The following PDE4D variants were observed in gnomAD, a reference collection of about 807,000 sequenced individuals.
The protein encoded by PDE4D is 3',5'-cyclic-AMP phosphodiesterase 4D.
PDE4D carries 24 observed loss-of-function variants against 87.4 expected under a neutral mutation model. The ratio of observed to expected loss-of-function variants is 0.27; its 90% CI spans 0.20 to 0.39. PDE4D has a LOEUF of 0.39. PDE4D is among the 10% of genes least tolerant of loss of function. PDE4D has a pLI of 1.00. For synonymous variants in PDE4D, 384 were observed against 383.2 expected (o/e 1.00, Z -0.02); for missense variants, 714 against 1,041.0 (o/e 0.69, Z 4.32).
intron 5 of PDE4D, among the ~76,000 whole-genome samples, chr5:59,048,449 CT>C (rs1224977478): frequency 2.0e-5 from 3 of 152,282 alleles, no homozygotes; most frequent in Admixed American, 2.0e-4. Flanking sequence ...TCTTTAGCAC[CT>C]ACCCAGCTCT....
chr5:59,834,470 C>T (rs540315941), intron 1 of PDE4D, among the ~76,000 whole-genome samples: 13 of 151,928 alleles, frequency 8.6e-5, no homozygotes, highest in Admixed American at 2.6e-4. Flanking sequence ...TACAGGGAAC[C>T]ATTTAAAATG....
chr5:60,243,041 G>T (rs998189528), intron 1 of PDE4D, among the ~76,000 whole-genome samples: 3 of 151,722 alleles, frequency 2.0e-5, no homozygotes, highest in Non-Finnish European at 4.4e-5. Flanking sequence ...CCATTAAAAA[G>T]TTTGCTTCTT....
chr5:60,414,525 A>T (rs1295992321), intron 1 of PDE4D, among the ~76,000 whole-genome samples: 2 of 152,246 alleles, frequency 1.3e-5, no homozygotes, highest in Non-Finnish European at 2.9e-5. Context: ...TCTCCCTGGC[A>T]TCATTCCAAG....
At chr5:59,044,402 C>T (rs1760264249) in intron 5 of PDE4D, among the ~76,000 whole-genome samples, 1 of 152,204 alleles carries the variant, frequency 6.6e-6, no homozygotes. Flanking sequence ...CCAGTTCCAG[C>T]TTCTCTTCTC....
At chr5:59,990,686 C>T (rs1036204956) in intron 2 of PDE4D, among the ~76,000 whole-genome samples, 6 of 152,158 alleles carry the variant, frequency 3.9e-5, no homozygotes, top group East Asian at 3.9e-4. Flanking sequence ...TAAGTAGTGC[C>T]GTGTTTTACA....
At chr5:60,370,845 A>G (rs566898809) in intron 1 of PDE4D, among the ~76,000 whole-genome samples, 1 of 152,044 alleles carries the variant, frequency 6.6e-6, no homozygotes, top group South Asian at 2.1e-4. Context: ...GAGAGAGGGA[A>G]GGAGAGAGAA....
At chr5:59,776,149 C>G in intron 1 of PDE4D, among the ~76,000 whole-genome samples, 1 of 152,072 alleles carries the variant, frequency 6.6e-6, no homozygotes, top group South Asian at 2.1e-4. Flanking sequence ...CTTCTGAAAC[C>G]TAGATTTTTA....
intron 1 of PDE4D, among the ~76,000 whole-genome samples, chr5:60,405,506 A>G (rs10514896): frequency 0.17 from 26,012 of 152,224 alleles, 2,694 homozygotes; most frequent in East Asian, 0.4. Context: ...TCTTCAAACC[A>G]TTCCACATAG....
intron 5 of PDE4D, among the ~76,000 whole-genome samples, chr5:59,095,267 T>C (rs181415125): frequency 6.6e-6 from 1 of 151,368 alleles, no homozygotes; most frequent in Admixed American, 6.6e-5. Flanking sequence ...TAAATTACAA[T>C]GGAAAATATT....
chr5:59,591,227 T>C (rs1561280388), intron 1 of PDE4D, among the ~76,000 whole-genome samples: 1 of 152,322 alleles, frequency 6.6e-6, no homozygotes, highest in South Asian at 2.1e-4. Context: ...CAAATTCTTA[T>C]CTCTGTAATA....
At chr5:59,379,862 T>C (rs1785428461) in intron 1 of PDE4D, among the ~76,000 whole-genome samples, 1 of 152,144 alleles carries the variant, frequency 6.6e-6, no homozygotes, top group Admixed American at 6.5e-5. Context: ...ATTTAGGGGC[T>C]ACATGTACAG....
At chr5:59,485,409 A>G (rs908741200) in intron 1 of PDE4D, among the ~76,000 whole-genome samples, 9 of 152,128 alleles carry the variant, frequency 5.9e-5, no homozygotes, top group African/African-American at 2.2e-4. Context: ...AGTTTTTAAA[A>G]AAAGATATAC....
At chr5:59,111,885 G>T (rs997485389) in intron 5 of PDE4D, among the ~76,000 whole-genome samples, 1 of 152,194 alleles carries the variant, frequency 6.6e-6, no homozygotes, top group Non-Finnish European at 1.5e-5. Context: ...AGGCACTGTT[G>T]TGTATATATA....
At position 60,374,593 on chromosome 5, in the gene PDE4D, G is replaced by T. The variant is rs111431161; in HGVS notation, c.-90+113349C>A. On this transcript the variant is annotated intron_variant, in intron 1 of 16. Transcript: ENST00000502484. ...TGCTTTCATAAATTGCTCCAGGGAA[G>T]GTCATCTCACTTATCCACAACACCA... 3.3e-5 allele frequency among the ~76,000 whole-genome samples: 5 copies of T among 152,192 alleles called. 1 individual carries two copies. The highest frequency in any genetic ancestry group is 1.2e-4 in the African/African-American group (5 of 41,508).
chr5:59,333,887 A>C (rs1440994805), intron 1 of PDE4D, among the ~76,000 whole-genome samples: 1 of 151,932 alleles, frequency 6.6e-6, no homozygotes, highest in Non-Finnish European at 1.5e-5. Flanking sequence ...AATCTCATTA[A>C]GTAAATATAA....
chr5:59,200,045 A>G (rs554368091), intron 2 of PDE4D, among the ~76,000 whole-genome samples: 44 of 104,798 alleles, frequency 4.2e-4, no homozygotes, highest in African/African-American at 1.6e-3. Flanking sequence ...ACACACACGT[A>G]TGTACACACA....
At position 60,359,101 on chromosome 5, in the gene PDE4D, A is replaced by G. The variant is rs1181623253; in HGVS notation, c.-90+128841T>C. Among the ~76,000 whole-genome samples, 5 of 152,310 alleles carry G rather than the reference A, an allele frequency of 3.3e-5. No individual in the cohort carries two copies. The East Asian group carries it at 7.7e-4, about 24-fold the overall frequency. ...ATATATGTGGTCTTCCATAGCCTAA[A>G]CAGAATATTGTTATATTGTTATAGG... On this transcript the variant is annotated intron_variant, in intron 1 of 16. Transcript: ENST00000502484.
At chr5:59,324,318 C>A (rs1000729334) in intron 1 of PDE4D, among the ~76,000 whole-genome samples, 26 of 152,126 alleles carry the variant, frequency 1.7e-4, no homozygotes. Context: ...TCCTACTAGG[C>A]CCCCAGTGAA....
chr5:59,439,811 C>G (rs930149751), intron 1 of PDE4D, among the ~76,000 whole-genome samples: 2 of 152,052 alleles, frequency 1.3e-5, no homozygotes, highest in Non-Finnish European at 2.9e-5. Flanking sequence ...CCTGTGATGA[C>G]TGACTCAAAA....
Sources: allele counts gnomAD v4.1 joint callset (sites outside exome capture counted in the v4.1 genomes callset), GRCh38; gene constraint gnomAD v4.1.1; transcripts MANE v1.5; gene names NCBI Gene and HGNC (gene_info 2026-07-23, HGNC 2026-07-21).